PCSK2: variants seen among roughly 807,000 people sequenced by gnomAD.
PCSK2 encodes neuroendocrine convertase 2.
Under a neutral mutation model 69.7 loss-of-function variants are expected in PCSK2, and 14 were observed. That is an observed-to-expected ratio of 0.20 (90% CI 0.13 to 0.31). The LOEUF (loss-of-function observed/expected upper bound fraction) is 0.31. Among genes scored for constraint, PCSK2 ranks in the 10% least tolerant of loss-of-function variants. PCSK2 has a pLI of 1.00. For missense variants in PCSK2, 544 were observed against 842.5 expected (o/e 0.65, Z 4.39); for synonymous variants, 307 against 320.7 (o/e 0.96, Z 0.46).
At chr20:17,441,828 C>T (rs1391139212) in intron 8 of PCSK2, among the ~76,000 whole-genome samples, 1 of 152,056 alleles carries the variant, frequency 6.6e-6, no homozygotes, top group Non-Finnish European at 1.5e-5. Context: ...CAAACGGCAT[C>T]AGCACCTCTT....
At chr20:17,242,212 A>G (rs1484029029) in intron 1 of PCSK2, among the ~76,000 whole-genome samples, 1 of 152,242 alleles carries the variant, frequency 6.6e-6, no homozygotes, top group Non-Finnish European at 1.5e-5. Flanking sequence ...TCCGTGGAGA[A>G]CAAATGCTTA....
intron 5 of PCSK2, among the ~76,000 whole-genome samples, chr20:17,374,682 T>C (rs977628046): frequency 1.3e-5 from 2 of 152,024 alleles, no homozygotes; most frequent in African/African-American, 4.8e-5. Context: ...AATTACCCCC[T>C]AGGGCAATGG....
intron 2 of PCSK2, among the ~76,000 whole-genome samples, chr20:17,347,514 T>G (rs537767643): frequency 3.7e-4 from 56 of 152,188 alleles, no homozygotes; most frequent in Non-Finnish European, 6.8e-4. Flanking sequence ...GTCCAGCTCA[T>G]CAATTCAAAC....
At chr20:17,232,640 G>A (rs537772560) in intron 1 of PCSK2, among the ~76,000 whole-genome samples, 6 of 152,168 alleles carry the variant, frequency 3.9e-5, no homozygotes, top group African/African-American at 7.2e-5. Flanking sequence ...TAATGATATC[G>A]TAATGTCACA....
intron 2 of PCSK2, among the ~76,000 whole-genome samples, chr20:17,298,113 T>C (rs1988958443): frequency 6.6e-6 from 1 of 152,214 alleles, no homozygotes; most frequent in African/African-American, 2.4e-5. Flanking sequence ...AATATAAACA[T>C]ATTTTAACCC....
intron 2 of PCSK2, among the ~76,000 whole-genome samples, chr20:17,270,560 G>T (rs1027411670): frequency 2.0e-5 from 3 of 152,088 alleles, no homozygotes; most frequent in Non-Finnish European, 4.4e-5. Context: ...TCTCTACGAT[G>T]AGCATGTCCC....
At chr20:17,303,488 T>A (rs1301967778) in intron 2 of PCSK2, among the ~76,000 whole-genome samples, 9 of 54,716 alleles carry the variant, frequency 1.6e-4, no homozygotes, top group African/African-American at 6.8e-4. Flanking sequence ...TAATATATAT[T>A]ATATTTAATA....
intron 8 of PCSK2, among the ~76,000 whole-genome samples, chr20:17,447,977 G>A (rs1037698785): frequency 6.6e-6 from 1 of 152,096 alleles, no homozygotes; most frequent in African/African-American, 2.4e-5. Flanking sequence ...AATATCACCA[G>A]TGATTATCTA....
intron 2 of PCSK2, among the ~76,000 whole-genome samples, chr20:17,340,555 T>C (rs1270301417): frequency 1.3e-5 from 2 of 152,222 alleles, no homozygotes; most frequent in Non-Finnish European, 2.9e-5. Context: ...GTATCTTTTG[T>C]TTAAAAAGGT....
At chr20:17,345,716 T>C (rs1431933422) in intron 2 of PCSK2, among the ~76,000 whole-genome samples, 2 of 152,196 alleles carry the variant, frequency 1.3e-5, no homozygotes, top group Non-Finnish European at 2.9e-5. Context: ...CAGTTCTTTC[T>C]TACTTGAAAT....
intron 2 of PCSK2, among the ~76,000 whole-genome samples, chr20:17,307,334 A>G (rs1195681842): frequency 2.0e-5 from 3 of 152,200 alleles, no homozygotes; most frequent in African/African-American, 4.8e-5. Flanking sequence ...TAGAAAGAAG[A>G]GTCAAATTTG....
intron 4 of PCSK2, among the ~76,000 whole-genome samples, chr20:17,368,170 C>T (rs573523832): frequency 1.3e-5 from 2 of 152,192 alleles, no homozygotes; most frequent in African/African-American, 4.8e-5. Flanking sequence ...AGTAAGCATG[C>T]AGTGAAGATA....
At chr20:17,349,851 A>G (rs573872378) in intron 2 of PCSK2, among the ~76,000 whole-genome samples, 2 of 152,180 alleles carry the variant, frequency 1.3e-5, no homozygotes, top group South Asian at 2.1e-4. Flanking sequence ...CGCTGAGGCC[A>G]GGGCCCATCC....
chr20:17,435,364 C>A (rs2032463499), intron 7 of PCSK2, among the ~76,000 whole-genome samples: 1 of 152,126 alleles, frequency 6.6e-6, no homozygotes. Flanking sequence ...ATGAAACACG[C>A]AAATAAGTAG....
At chr20:17,400,611 A>G (rs2031612739) in intron 5 of PCSK2, among the ~76,000 whole-genome samples, 1 of 152,336 alleles carries the variant, frequency 6.6e-6, no homozygotes, top group Non-Finnish European at 1.5e-5. Flanking sequence ...AATTTTAATT[A>G]CAAAATGTAA....
rs147281429 is a variant in PCSK2, at chr20:17,327,907, G to A, written c.283-30420G>A. 2.2e-3 allele frequency among the ~76,000 whole-genome samples: 331 copies of A among 152,218 alleles called. 1 individual carries two copies. Among genetic ancestry groups the A allele is most frequent in the Non-Finnish European group, 3.3e-3 (224 of 68,022 alleles). ...AGTGCTTCCAAATTTATTTACTGCT[G>A]CCTCAAAAACACCAAGTAAATCATG... On this transcript the variant is annotated intron_variant, in intron 2 of 11. Transcript: ENST00000262545.
At chr20:17,249,431 T>C (rs6044698) in intron 1 of PCSK2, among the ~76,000 whole-genome samples, 68,906 of 145,124 alleles carry the variant, frequency 0.47, 16,337 homozygotes, top group East Asian at 0.68. Context: ...GGCGTTAACC[T>C]GGGAGGTGGA....
At chr20:17,431,546 A>G (rs1423598303) in intron 7 of PCSK2, among the ~76,000 whole-genome samples, 2 of 152,190 alleles carry the variant, frequency 1.3e-5, no homozygotes, top group Non-Finnish European at 2.9e-5. Flanking sequence ...CCAGAAACCA[A>G]GAACAGACAT....
chr20:17,481,791 G>A lies in PCSK2; in HGVS notation c.1638G>A (p.Lys546=). 2 of 1,614,134 alleles carry A rather than the reference G, an allele frequency of 1.2e-6. No homozygotes were observed. The highest frequency in any genetic ancestry group is 1.7e-6 in the Non-Finnish European group (2 of 1,180,028). ...LSRRPRDDDS[K]VGFDKWPFMT... ...GGCGTCCAAGGGATGACGACTCCAA[G>A]GTGGGCTTTGACAAGTGGCCTTTCA... Residue 546 remains lysine, a synonymous_variant, in exon 12 of 12, where the codon AAG becomes AAA. Transcript: ENST00000262545.
Sources: gnomAD v4.1 joint callset for allele counts (sites outside exome capture counted in the v4.1 genomes callset) on GRCh38, gnomAD v4.1.1 for gene constraint, MANE v1.5 for transcripts, NCBI Gene and HGNC (gene_info 2026-07-23, HGNC 2026-07-21) for gene names.